RPA3: variants seen among roughly 807,000 people sequenced by gnomAD.
RPA3 encodes replication protein A 14 kDa subunit.
Under a neutral mutation model 13.7 loss-of-function variants are expected in RPA3, and 24 were observed. That is an observed-to-expected ratio of 1.75 (90% CI 1.27 to 2.46). The LOEUF (loss-of-function observed/expected upper bound fraction) is 2.46. RPA3 is among the 30% of genes most tolerant of loss of function. The pLI, the probability that RPA3 is intolerant of heterozygous loss-of-function variation, is 0.00. For synonymous variants in RPA3, 59 were observed against 51.2 expected (o/e 1.15, Z -0.65); for missense variants, 183 against 151.0 (o/e 1.21, Z -1.11).
At chr7:7,658,627 A>T (rs1351647840) in intron 4 of RPA3, among the ~76,000 whole-genome samples, 4 of 152,124 alleles carry the variant, frequency 2.6e-5, no homozygotes, top group Non-Finnish European at 5.9e-5. Flanking sequence ...TGATTTGTGT[A>T]TGTTGAACCA....
At chr7:7,695,623 ACT>A (rs1436595589) in intron 2 of RPA3, among the ~76,000 whole-genome samples, 1 of 152,104 alleles carries the variant, frequency 6.6e-6, no homozygotes, top group East Asian at 1.9e-4. Flanking sequence ...TGGAATTTCT[ACT>A]CACAGGATCT....
intron 2 of RPA3, among the ~76,000 whole-genome samples, chr7:7,688,928 G>A (rs982264854): frequency 9.9e-5 from 15 of 152,162 alleles, no homozygotes; most frequent in African/African-American, 3.6e-4. Context: ...ATAAGTCTTT[G>A]TTAACTTATC....
At chr7:7,693,372 AT>A (rs1448071259) in intron 2 of RPA3, among the ~76,000 whole-genome samples, 5 of 152,000 alleles carry the variant, frequency 3.3e-5, no homozygotes, top group African/African-American at 1.2e-4. Flanking sequence ...AATGTATAAT[AT>A]AGGAAAATCT....
At chr7:7,659,272 T>G (rs1785417329) in intron 4 of RPA3, among the ~76,000 whole-genome samples, 1 of 152,198 alleles carries the variant, frequency 6.6e-6, no homozygotes, top group Non-Finnish European at 1.5e-5. Context: ...GATTCATTGA[T>G]TTTTCGAAGG....
intron 4 of RPA3, among the ~76,000 whole-genome samples, chr7:7,675,768 C>T (rs747199123): frequency 7.9e-5 from 12 of 152,110 alleles, no homozygotes; most frequent in East Asian, 1.9e-4. Context: ...TCACTTCCGT[C>T]GTAGTTCCAG....
At chr7:7,717,181 C>A (rs1043613019) in intron 1 of RPA3, among the ~76,000 whole-genome samples, 1 of 151,838 alleles carries the variant, frequency 6.6e-6, no homozygotes, top group Non-Finnish European at 1.5e-5. Flanking sequence ...CTCTGCCTCC[C>A]GCGTAGCTGG....
intron 4 of RPA3, among the ~76,000 whole-genome samples, chr7:7,664,344 C>T (rs1254162457): frequency 1.3e-5 from 2 of 152,166 alleles, no homozygotes; most frequent in African/African-American, 4.8e-5. Context: ...AGGCTCTTCT[C>T]AGTCTCTCTA....
chr7:7,686,192 G>A (rs998596197), intron 3 of RPA3, among the ~76,000 whole-genome samples, 194 bp from the exon 4 acceptor site: 3 of 152,088 alleles, frequency 2.0e-5, no homozygotes, highest in African/African-American at 7.2e-5. Flanking sequence ...TAGGTGGTGG[G>A]GCAGATTGTG....
At chr7:7,645,426 G>C (rs6950845) in intron 4 of RPA3, among the ~76,000 whole-genome samples, 43,548 of 152,084 alleles carry the variant, frequency 0.29, 6,611 homozygotes, top group Middle Eastern at 0.37. Flanking sequence ...TCTTTCTGTA[G>C]TTCTACATTC....
intron 2 of RPA3, among the ~76,000 whole-genome samples, chr7:7,707,840 A>T (rs1563141618): frequency 1.3e-5 from 2 of 152,284 alleles, no homozygotes; most frequent in East Asian, 1.9e-4. Flanking sequence ...GCCTAGCCAG[A>T]TCTTTTAATG....
chr7:7,699,777 C>T (rs1009707313), intron 2 of RPA3, among the ~76,000 whole-genome samples: 5 of 152,170 alleles, frequency 3.3e-5, no homozygotes, highest in Admixed American at 1.3e-4. Context: ...ATGCCTTACA[C>T]ATATTAAGTT....
chr7:7,639,293 A>G (rs1184658082), intron 5 of RPA3, 149 bp from the exon 6 acceptor site: 1 of 574,468 alleles, frequency 1.7e-6, no homozygotes, highest in Non-Finnish European at 3.1e-6. Flanking sequence ...ATCAAATTAT[A>G]ATCTTATGTT....
At chr7:7,656,012 T>A (rs954323393) in intron 4 of RPA3, among the ~76,000 whole-genome samples, 3 of 152,138 alleles carry the variant, frequency 2.0e-5, no homozygotes, top group African/African-American at 7.2e-5. Context: ...ATTTTGTATT[T>A]TTAGTAGAGA....
intron 2 of RPA3, among the ~76,000 whole-genome samples, chr7:7,713,063 G>T (rs1312753013): frequency 6.6e-6 from 1 of 151,974 alleles, no homozygotes; most frequent in Admixed American, 6.5e-5. Context: ...CTAGGGCCGC[G>T]CGCGGTGGCT....
chr7:7,690,167 G>A (rs867687853), intron 2 of RPA3, among the ~76,000 whole-genome samples: 7 of 152,276 alleles, frequency 4.6e-5, no homozygotes, highest in Admixed American at 1.3e-4. Flanking sequence ...CAGCAATTCT[G>A]CTGATGATAA....
chr7:7,649,846 C>T (rs757788535), intron 4 of RPA3, among the ~76,000 whole-genome samples: 1 of 152,062 alleles, frequency 6.6e-6, no homozygotes, highest in Non-Finnish European at 1.5e-5. Flanking sequence ...TGGATTCATG[C>T]CCTTATAAAA....
chr7:7,667,255 T>C (rs1351907223), intron 4 of RPA3, among the ~76,000 whole-genome samples: 3 of 152,202 alleles, frequency 2.0e-5, no homozygotes, highest in African/African-American at 7.2e-5. Flanking sequence ...TTGGTATGTT[T>C]CCTGTTTATA....
In RPA3 at chr7:7,664,112, T is replaced by C. The variant is rs376552681; in HGVS notation, c.-758+21718A>G. Among the ~76,000 whole-genome samples, 30 of 152,330 alleles carry C rather than the reference T, an allele frequency of 2.0e-4. No homozygotes were observed. The South Asian group carries it at 6.2e-3, about 32-fold the overall frequency. Reference sequence around the variant, plus strand: ...TTCTTGCTATTATTTAAAACCTAGATTTTTACATAATAGCTGGATTTCCAG... The same window carrying C: ...TTCTTGCTATTATTTAAAACCTAGACTTTTACATAATAGCTGGATTTCCAG... On this transcript the variant is annotated intron_variant, in intron 4 of 7. Coordinates refer to ENST00000223129, the MANE Select transcript of RPA3 (RefSeq NM_002947.5).
intron 2 of RPA3, among the ~76,000 whole-genome samples, chr7:7,707,721 T>C (rs376608543): frequency 5.9e-5 from 9 of 152,222 alleles, no homozygotes; most frequent in African/African-American, 1.9e-4. Flanking sequence ...TGTTAATATA[T>C]AATGCTTTTT....
Sources: gnomAD v4.1 joint callset for allele counts (sites outside exome capture counted in the v4.1 genomes callset) on GRCh38, gnomAD v4.1.1 for gene constraint, MANE v1.5 for transcripts, NCBI Gene and HGNC (gene_info 2026-07-23, HGNC 2026-07-21) for gene names.